SH3BP2: variants seen among roughly 807,000 people sequenced by gnomAD.
SH3BP2 encodes the protein SH3 domain-binding protein 2.
In SH3BP2, 38 loss-of-function variants were observed where a neutral mutation model predicts 56.2. The ratio of observed to expected loss-of-function variants is 0.68; its 90% CI spans 0.52 to 0.89. SH3BP2 has a LOEUF of 0.89. Among genes scored for constraint, SH3BP2 ranks in the 40% least tolerant of loss-of-function variants. The pLI is 0.00. For synonymous variants in SH3BP2, 346 were observed against 316.7 expected (o/e 1.09, Z -0.98); for missense variants, 748 against 762.6 (o/e 0.98, Z 0.23).
chr4:2,826,663 GCT>G (rs1724663329), intron 5 of SH3BP2: 4 of 333,992 alleles, frequency 1.2e-5, no homozygotes, highest in South Asian at 4.4e-5. Flanking sequence ...TCCACGTGTT[GCT>G]CTGTGTGTGT....
At chr4:2,826,269 CTGTG>C (rs199629359) in intron 5 of SH3BP2, 18 of 83,412 alleles carry the variant, frequency 2.2e-4, no homozygotes, top group African/African-American at 5.3e-4. Context: ...GCGTGTTGCT[CTGTG>C]TGTGTGCATG....
At chr4:2,813,390 A>G (rs1723849044) in intron 1 of SH3BP2, among the ~76,000 whole-genome samples, 1 of 152,206 alleles carries the variant, frequency 6.6e-6, no homozygotes, top group Non-Finnish European at 1.5e-5. Flanking sequence ...GTGTTGGATG[A>G]TGGGGCGATC....
chr4:2,833,050 G>C lies in SH3BP2; in HGVS notation c.1548+1G>C, dbSNP rs1205184011. 6.2e-7 allele frequency: 1 copy of C among 1,614,122 alleles called. No individual in the cohort carries two copies. Among genetic ancestry groups the C allele is most frequent in the South Asian group, 1.1e-5 (1 of 91,092 alleles). ...GAGGAACTATCGCATTTTTGAGAAG[G>C]TGAGAGGGCTCTGAGTGGGACGGGG... On this transcript the variant is annotated splice_donor_variant, in intron 12 of 12. Coordinates refer to ENST00000503393, the MANE Select transcript of SH3BP2 (RefSeq NM_001122681.2). LOFTEE classifies it high-confidence loss of function.
At chr4:2,825,065 AG>A in intron 4 of SH3BP2, 60 bp from the exon 5 acceptor site, 2 of 1,423,942 alleles carry the variant, frequency 1.4e-6, no homozygotes, top group Non-Finnish European at 9.7e-7. Context: ...GTGAAGGTGG[AG>A]GGGTGCGGTG....
In SH3BP2 at chr4:2,826,396, G is replaced by A. The variant is rs368991333; in HGVS notation, c.429-834G>A. On this transcript the variant is annotated intron_variant, in intron 5 of 12. Coordinates refer to ENST00000503393, the MANE Select transcript of SH3BP2 (RefSeq NM_001122681.2). ...TGTGTGCATGTCCGCGTGTTGCTCT[G>A]TGTGTGTGCATGTCCACGTGTTGCT... 5.6e-3 allele frequency: 1,034 copies of A among 186,104 alleles called. 14 individuals are homozygous for A. Among genetic ancestry groups the A allele is most frequent in the African/African-American group, 0.026 (974 of 37,986 alleles). 11.5% of individuals were successfully genotyped at this position (186,104 alleles called of 1,614,324 possible).
chr4:2,812,426 C>A lies in SH3BP2; in HGVS notation c.-4-8188C>A, dbSNP rs762580729. 4 of 1,550,288 alleles carry A rather than the reference C, an allele frequency of 2.6e-6. No homozygotes were observed. The South Asian group carries it at 3.6e-5, about 14-fold the overall frequency. ...GCCTCCCTGGGCCCCAGGACACCGG[C>A]CCCGAGCAGGTCACGAGGACGGAGG... is the stretch of plus-strand genomic sequence containing the variant. On this transcript the variant is annotated intron_variant, in intron 1 of 12. Transcript: ENST00000503393.
At chr4:2,795,053 G>A (rs369980404) in intron 1 of SH3BP2, among the ~76,000 whole-genome samples, 17 of 152,326 alleles carry the variant, frequency 1.1e-4, no homozygotes, top group African/African-American at 4.1e-4. Flanking sequence ...CATGACCTGA[G>A]GGCTGTGAAG....
rs545241322 is a variant in SH3BP2, at chr4:2,831,081, G to A, written c.1242-490G>A. Among the ~76,000 whole-genome samples the A allele has an allele frequency of 5.3e-5, 8 of 152,360 alleles. No homozygotes were observed. The highest frequency in any genetic ancestry group is 3.9e-4 in the Admixed American group (6 of 15,304). ...CCACAGGCTGGCCTCCCATGCTGGC[G>A]TGGCCCGTTAATCCTCCCTAGAGCC... On this transcript the variant is annotated intron_variant, in intron 8 of 12. Transcript: ENST00000503393. This position sits in a 1 kb window ranked among gnomAD's most constrained non-coding sequence, Gnocchi z 4.1.
At chr4:2,812,258 G>A (rs1195873757) in intron 1 of SH3BP2, 12 of 1,536,538 alleles carry the variant, frequency 7.8e-6, no homozygotes, top group Non-Finnish European at 9.6e-6. Flanking sequence ...GGAAGTCCCG[G>A]GTGGGGAGGA....
At chr4:2,819,888 A>G (rs1027968663) in intron 1 of SH3BP2, among the ~76,000 whole-genome samples, 1 of 151,918 alleles carries the variant, frequency 6.6e-6, no homozygotes, top group African/African-American at 2.4e-5. Context: ...GCAGGGCATG[A>G]TGTTGGGTCC....
chr4:2,829,374 G>A lies in SH3BP2; in HGVS notation c.587-119G>A. 9.6e-7 allele frequency: 1 copy of A among 1,037,262 alleles called. No individual in the cohort carries two copies. Among genetic ancestry groups the A allele is most frequent in the Non-Finnish European group, 1.5e-6 (1 of 670,056 alleles). 64.3% of individuals were successfully genotyped at this position (1,037,262 alleles called of 1,614,324 possible). The stretch of plus-strand genomic sequence containing the variant: ...GGGTGCTGGGCTGCTGGGTGGGCAG[G>A]CTGTGGGGTGGGCCTACCATGGGTT... On this transcript the variant is annotated intron_variant, in intron 7 of 12. Transcript: ENST00000503393. This position sits in a 1 kb window ranked among gnomAD's most constrained non-coding sequence, Gnocchi z 4.9.
chr4:2,801,977 G>A (rs1577336650), intron 1 of SH3BP2, among the ~76,000 whole-genome samples: 1 of 152,038 alleles, frequency 6.6e-6, no homozygotes, highest in Non-Finnish European at 1.5e-5. Flanking sequence ...GCATGTTGGC[G>A]CATGCTTGTA....
chr4:2,825,250 C>A, intron 5 of SH3BP2, 54 bp downstream of exon 5: 1 of 1,442,380 alleles, frequency 6.9e-7, no homozygotes, highest in Non-Finnish European at 9.5e-7. Context: ...GGCGCCTGGG[C>A]CTGACCCGGG....
At position 2,824,533 on chromosome 4, in the gene SH3BP2, C is replaced by A. The variant is rs113446832; in HGVS notation, c.240-80C>A. 4 of 1,045,376 alleles carry A rather than the reference C, an allele frequency of 3.8e-6. No homozygotes were observed. In the East Asian group the frequency reaches 7.1e-5, roughly 19 times the overall value. 64.8% of individuals were successfully genotyped at this position (1,045,376 alleles called of 1,614,324 possible). On this transcript the variant is annotated intron_variant, in intron 3 of 12. Transcript: ENST00000503393. Reference sequence around the variant, plus strand: ...TTGGGGCGTGGTGCTGGTGCCGAGACGTGTTCACAGGGGGGTGCTGTGGGA... The same window carrying A: ...TTGGGGCGTGGTGCTGGTGCCGAGAAGTGTTCACAGGGGGGTGCTGTGGGA...
At chr4:2,827,202 G>A (rs377403502) in intron 5 of SH3BP2, 28 bp from the exon 6 acceptor site, 138 of 1,606,638 alleles carry the variant, frequency 8.6e-5, no homozygotes, top group African/African-American at 3.1e-4. Context: ...GGTGCTCACC[G>A]TCCGCCCCAA....
intron 10 of SH3BP2, 33 bp downstream of exon 10, chr4:2,832,011 C>T (rs1278444806): frequency 2.5e-6 from 4 of 1,606,516 alleles, no homozygotes; most frequent in Non-Finnish European, 3.4e-6. Flanking sequence ...GCTGGGTCCT[C>T]CGCCATGCCC....
In SH3BP2 at chr4:2,825,268, C is replaced by T. The variant is rs936089499; in HGVS notation, c.428+72C>T. ...GCCTGGGCCTGACCCGGGTGTCCGC[C>T]TCCCAGCCCCGGGCTTGGCATAGAA... is the stretch of plus-strand genomic sequence containing the variant. On this transcript the variant is annotated intron_variant, in intron 5 of 12. Coordinates refer to ENST00000503393, the MANE Select transcript of SH3BP2 (RefSeq NM_001122681.2). 6 of 1,253,124 alleles carry T rather than the reference C, an allele frequency of 4.8e-6. No individual in the cohort carries two copies. The South Asian group carries it at 5.1e-5, about 11-fold the overall frequency. The allele number at this position is 1,253,124 out of a possible 1,614,324, so 77.6% of individuals were successfully genotyped here.
chr4:2,831,785 C>T lies in SH3BP2; in HGVS notation c.1350+106C>T, dbSNP rs1403587555. On this transcript the variant is annotated intron_variant, in intron 9 of 12. Coordinates refer to ENST00000503393, the MANE Select transcript of SH3BP2 (RefSeq NM_001122681.2). The surrounding 1 kb of genome is among the most constrained non-coding windows in gnomAD (Gnocchi z 4.1). ...TCACAGACCGTCCTGAGCAAGGACC[C>T]CCCGAGAACCCGGGAGCCTAGGGGG... The T allele has an allele frequency of 5.2e-6, 7 of 1,344,432 alleles. No homozygotes were observed. In the East Asian group the frequency reaches 1.5e-4, roughly 29 times the overall value. 83.3% of individuals were successfully genotyped at this position (1,344,432 alleles called of 1,614,324 possible).
chr4:2,801,590 G>A (rs574676092), intron 1 of SH3BP2, among the ~76,000 whole-genome samples: 1 of 152,246 alleles, frequency 6.6e-6, no homozygotes, highest in East Asian at 1.9e-4. Context: ...CCAGCAGAGG[G>A]GCTGGCCTGT....
Sources: allele counts gnomAD v4.1 joint callset (sites outside exome capture counted in the v4.1 genomes callset), GRCh38; gene constraint gnomAD v4.1.1; non-coding constraint Gnocchi (gnomAD v3.1); transcripts MANE v1.5; gene names NCBI Gene and HGNC (gene_info 2026-07-23, HGNC 2026-07-21).